The following RTN1 variants were observed in gnomAD, a reference collection of about 807,000 sequenced individuals.
The protein encoded by RTN1 is reticulon 1, also known as reticulon-1.
Under a neutral mutation model 65.5 loss-of-function variants are expected in RTN1, and 25 were observed. The ratio of observed to expected loss-of-function variants is 0.38; its 90% CI spans 0.28 to 0.53. The LOEUF (loss-of-function observed/expected upper bound fraction) is 0.53, where lower values mean the gene tolerates loss of function less well. Among genes scored for constraint, RTN1 ranks in the 20% least tolerant of loss-of-function variants. RTN1 has a pLI of 0.79. For missense variants in RTN1, 983 were observed against 1,025.4 expected (o/e 0.96, Z 0.57); for synonymous variants, 471 against 447.6 (o/e 1.05, Z -0.66).
At chr14:59,837,055 A>G (rs1887224833) in intron 1 of RTN1, among the ~76,000 whole-genome samples, 1 of 151,856 alleles carries the variant, frequency 6.6e-6, no homozygotes, top group African/African-American at 2.4e-5. Context: ...AAAAGGAGAA[A>G]TAGGACTACC....
At chr14:59,724,964 G>A (rs1884727435) in intron 3 of RTN1, among the ~76,000 whole-genome samples, 1 of 152,146 alleles carries the variant, frequency 6.6e-6, no homozygotes, top group African/African-American at 2.4e-5. Flanking sequence ...GGACCCCTCC[G>A]TGCAGAAGAG....
chr14:59,785,080 A>G (rs928306592), intron 1 of RTN1, among the ~76,000 whole-genome samples: 8 of 152,218 alleles, frequency 5.3e-5, no homozygotes, highest in Admixed American at 3.3e-4. Context: ...AGCTTACCTC[A>G]CTGGATAAAT....
rs1322386953 is a variant in RTN1, at chr14:59,794,977, G to T, written c.242-48496C>A. ...ACCTTGAACTTTACACAGATTGTTT[G>T]ATTTGGGTGCAATAATCTATCTTCT... is the stretch of plus-strand genomic sequence containing the variant. On this transcript the variant is annotated intron_variant, in intron 1 of 8. Coordinates refer to ENST00000267484, the MANE Select transcript of RTN1 (RefSeq NM_021136.3). The surrounding 1 kb of genome is among the most constrained non-coding windows in gnomAD (Gnocchi z 5.1). 6.6e-6 allele frequency among the ~76,000 whole-genome samples: 1 copy of T among 152,168 alleles called. No homozygotes were observed. The highest frequency in any genetic ancestry group is 2.4e-5 in the African/African-American group (1 of 41,450).
intron 1 of RTN1, among the ~76,000 whole-genome samples, chr14:59,753,278 T>C (rs370305787): frequency 9.2e-5 from 14 of 152,200 alleles, no homozygotes; most frequent in African/African-American, 2.9e-4. Context: ...CCTACCCTAC[T>C]GGCTCTGTCT....
At chr14:59,750,268 A>T (rs1296767713) in intron 1 of RTN1, among the ~76,000 whole-genome samples, 1 of 75,758 alleles carries the variant, frequency 1.3e-5, no homozygotes, top group Non-Finnish European at 2.2e-5. Flanking sequence ...TATATATAAT[A>T]TCTATAATAT....
Position 59,607,481 on chromosome 14 carries a change from A to C in RTN1, c.1777T>G (p.Leu593Val), listed in dbSNP as rs775637439. The C allele has an allele frequency of 1.9e-6, 3 of 1,607,076 alleles. No individual in the cohort carries two copies. The South Asian group carries it at 3.3e-5, about 18-fold the overall frequency. ...GTCTGCTTGATGTCCCGCCAATACA[A>C]CAGGTCAATAGCTGCAGGAGACACC... ...FLNKQKAIDL[L>V]YWRDIKQTGI... The change falls in exon 4 of 9, where the codon TTG becomes GTG. Residue 593 changes from leucine to valine, a missense_variant. Physicochemically the swap from Leu to Val is conservative, Grantham distance 32. Coordinates refer to ENST00000267484, the MANE Select transcript of RTN1 (RefSeq NM_021136.3).
Position 59,605,427 on chromosome 14 carries a change from T to G in RTN1, c.2053A>C (p.Ser685Arg). The change falls in exon 5 of 9, where the codon AGC becomes CGC. Residue 685 changes from serine (S) to arginine (R), a missense_variant. Transcript: ENST00000267484. ...YTDCLQFYVNSTLKELRRLFL... is the reference protein window; with the variant it reads ...YTDCLQFYVNRTLKELRRLFL... Reference sequence around the variant, plus strand: ...AGCCTCCTCAGTTCCTTAAGTGTGCTGTTCACGTAGAACTGCAGGCAGTCC... The same window carrying G: ...AGCCTCCTCAGTTCCTTAAGTGTGCGGTTCACGTAGAACTGCAGGCAGTCC... 1 of 1,614,104 alleles carries G rather than the reference T, an allele frequency of 6.2e-7. No individual in the cohort carries two copies. The highest frequency in any genetic ancestry group is 8.5e-7 in the Non-Finnish European group (1 of 1,179,906).
At chr14:59,731,370 G>T (rs1052074046) in intron 2 of RTN1, among the ~76,000 whole-genome samples, 2 of 152,136 alleles carry the variant, frequency 1.3e-5, no homozygotes, top group Admixed American at 6.5e-5. Flanking sequence ...AAAAGGGGGT[G>T]CAGGGTTTCT....
chr14:59,679,877 T>A (rs1883709052), intron 3 of RTN1, among the ~76,000 whole-genome samples: 1 of 152,158 alleles, frequency 6.6e-6, no homozygotes. Flanking sequence ...TCATTTTATC[T>A]TAGGTCTAAC....
At chr14:59,653,140 A>T (rs1883052917) in intron 3 of RTN1, among the ~76,000 whole-genome samples, 1 of 152,160 alleles carries the variant, frequency 6.6e-6, no homozygotes, top group Admixed American at 6.5e-5. Context: ...CACTTGAAAT[A>T]AAAGACAGAA....
chr14:59,749,058 G>C (rs1279601516), intron 1 of RTN1, among the ~76,000 whole-genome samples: 1 of 147,634 alleles, frequency 6.8e-6, no homozygotes, highest in East Asian at 2.0e-4. Context: ...CCAGTGCTGG[G>C]ATTACAGGCG....
Position 59,816,888 on chromosome 14 carries a change from G to A in RTN1, c.241+53502C>T, listed in dbSNP as rs1460084380. ...GCGGAGGTTGCAGTGAGTCGAGATCGCGCCACTGTACTCCAGCCTGGGTGA... is the reference window on the plus strand; with the variant it reads ...GCGGAGGTTGCAGTGAGTCGAGATCACGCCACTGTACTCCAGCCTGGGTGA... On this transcript the variant is annotated intron_variant, in intron 1 of 8. Transcript: ENST00000267484. The surrounding 1 kb of genome is among the most constrained non-coding windows in gnomAD (Gnocchi z 4.3). Among the ~76,000 whole-genome samples, 10 of 152,106 alleles carry A rather than the reference G, an allele frequency of 6.6e-5. No individual in the cohort carries two copies. The highest frequency in any genetic ancestry group is 1.9e-4 in the East Asian group (1 of 5,194).
intron 1 of RTN1, among the ~76,000 whole-genome samples, chr14:59,785,939 A>G (rs895435369): frequency 5.9e-5 from 9 of 152,320 alleles, no homozygotes; most frequent in Non-Finnish European, 1.0e-4. Context: ...AACAGTCACA[A>G]GACAATGGAG....
chr14:59,760,903 C>G (rs1369966069), intron 1 of RTN1, among the ~76,000 whole-genome samples: 1 of 152,176 alleles, frequency 6.6e-6, no homozygotes, highest in Non-Finnish European at 1.5e-5. Flanking sequence ...AAAATCTGAC[C>G]TGGACCTAAT....
intron 1 of RTN1, among the ~76,000 whole-genome samples, chr14:59,853,998 G>C (rs1887556870): frequency 6.6e-6 from 1 of 151,360 alleles, no homozygotes; most frequent in Non-Finnish European, 1.5e-5. Context: ...ACAAGTAGCT[G>C]GGACTATAGG....
intron 3 of RTN1, among the ~76,000 whole-genome samples, chr14:59,695,807 C>A (rs570528693): frequency 9.2e-5 from 14 of 151,866 alleles, no homozygotes; most frequent in African/African-American, 3.4e-4. Context: ...TATATCAGCA[C>A]GATTTTGCTA....
intron 1 of RTN1, among the ~76,000 whole-genome samples, chr14:59,776,901 G>A (rs1210767394): frequency 6.6e-6 from 1 of 152,176 alleles, no homozygotes; most frequent in African/African-American, 2.4e-5. Context: ...AACTCAGAGG[G>A]ACATGAGTGA....
At chr14:59,818,924 C>T (rs1190256989) in intron 1 of RTN1, among the ~76,000 whole-genome samples, 3 of 152,198 alleles carry the variant, frequency 2.0e-5, no homozygotes, top group Non-Finnish European at 4.4e-5. Flanking sequence ...ACAATGAAGA[C>T]GCGGACCTTC....
rs1228365676 is a variant in RTN1, at chr14:59,777,819, CAACAAA to C, written c.242-31344_242-31339del. Among the ~76,000 whole-genome samples, 466 of 109,356 alleles carry C rather than the reference CAACAAA, an allele frequency of 4.3e-3. 13 individuals carry two copies. In the East Asian group the frequency reaches 0.055, roughly 13 times the overall value. 71.7% of individuals were successfully genotyped at this position (109,356 alleles called of 152,430 possible). A position where few individuals can be genotyped will look rare whatever the true frequency, so the allele number is the denominator to read the frequency against. On this transcript the variant is annotated intron_variant, in intron 1 of 8. Coordinates refer to ENST00000267484, the MANE Select transcript of RTN1 (RefSeq NM_021136.3). ...GACAAAACAACAACAACAACAACAA[CAACAAA>C]AAAAAAAAACAAAACAACAAAACAC...
Sources: gnomAD v4.1 joint callset for allele counts (sites outside exome capture counted in the v4.1 genomes callset) on GRCh38, gnomAD v4.1.1 for gene constraint, Gnocchi (gnomAD v3.1) non-coding constraint, MANE v1.5 for transcripts, NCBI Gene and HGNC (gene_info 2026-07-23, HGNC 2026-07-21) for gene names.